SLC1A1: variants seen among roughly 807,000 people sequenced by gnomAD.
SLC1A1 encodes the protein solute carrier family 1 member 1.
Under a neutral mutation model 53.3 loss-of-function variants are expected in SLC1A1, and 43 were observed. That is an observed-to-expected ratio of 0.81 (90% CI 0.63 to 1.04). The LOEUF (loss-of-function observed/expected upper bound fraction) is 1.04, where lower values mean the gene tolerates loss of function less well. Ranked by LOEUF, SLC1A1 falls within the 50% of genes least tolerant of loss-of-function variation. The pLI is 0.00. For missense variants in SLC1A1, 748 were observed against 664.9 expected (o/e 1.12, Z -1.37); for synonymous variants, 307 against 243.2 (o/e 1.26, Z -2.44).
intron 1 of SLC1A1, among the ~76,000 whole-genome samples, chr9:4,498,809 T>A (rs965628124): frequency 6.1e-5 from 9 of 148,240 alleles, no homozygotes; most frequent in East Asian, 3.9e-4. Flanking sequence ...TGCAAAAAAA[T>A]ATATATATAT....
rs1246896853 is a variant in SLC1A1, at chr9:4,572,294, G to C, written c.673G>C (p.Val225Leu). 1.2e-6 allele frequency: 2 copies of C among 1,614,054 alleles called. No homozygotes were observed. The highest frequency in any genetic ancestry group is 2.2e-5 in the East Asian group (1 of 44,870). ...TGTCTTTTGCCTTGTCTTTGGACTT[G>C]TCATTGGAAAAATGGGAGAAAAGGG... ...LIVFCLVFGLVIGKMGEKGQI... is the reference protein window; with the variant it reads ...LIVFCLVFGLLIGKMGEKGQI... The change falls in exon 7 of 12, where the codon GTC (valine) becomes CTC (leucine). Residue 225 changes from valine (V) to leucine (L), a missense_variant. Val to Leu is a conservative substitution (Grantham distance 32). Transcript: ENST00000262352.
intron 7 of SLC1A1, among the ~76,000 whole-genome samples, chr9:4,572,607 G>A (rs1820162343): frequency 6.6e-6 from 1 of 152,300 alleles, no homozygotes; most frequent in East Asian, 1.9e-4. Context: ...GAGTGCAGTG[G>A]TGCAATCTCG....
chr9:4,554,112 G>A (rs992926746), intron 2 of SLC1A1: 28 of 152,246 alleles, frequency 1.8e-4, no homozygotes, highest in African/African-American at 6.3e-4. Flanking sequence ...CATCTTTAGA[G>A]ATAAGGAAAC....
intron 10 of SLC1A1, among the ~76,000 whole-genome samples, chr9:4,580,651 G>GTATGTGTGTA (rs1554690422): frequency 5.9e-5 from 7 of 118,844 alleles, no homozygotes; most frequent in African/African-American, 2.3e-4. Flanking sequence ...GTGTGTGTGT[G>GTATGTGTGTA]TATAAGGAAT....
chr9:4,568,716 A>G (rs10113898), intron 6 of SLC1A1, among the ~76,000 whole-genome samples: 56,358 of 150,702 alleles, frequency 0.37, 11,171 homozygotes, highest in Middle Eastern at 0.52. Flanking sequence ...AAAAAAACAT[A>G]CACACAAAAA....
Position 4,566,181 on chromosome 9 carries a change from T to A in SLC1A1, c.483+92T>A, listed in dbSNP as rs1022403828. On this transcript the variant is annotated intron_variant, in intron 5 of 11. Transcript: ENST00000262352. Reference sequence around the variant, plus strand: ...TCTGCTGTGACTCAAGAAATGGAATTAGCCCCGTGAAAATGGCAGCAGGAA... The same window carrying A: ...TCTGCTGTGACTCAAGAAATGGAATAAGCCCCGTGAAAATGGCAGCAGGAA... 2.6e-6 allele frequency: 3 copies of A among 1,150,298 alleles called. No individual in the cohort carries two copies. In the Admixed American group the frequency reaches 5.1e-5, roughly 19 times the overall value. 71.3% of individuals were successfully genotyped at this position (1,150,298 alleles called of 1,614,324 possible). A position where few individuals can be genotyped will look rare whatever the true frequency, so the allele number is the denominator to read the frequency against.
chr9:4,564,093 A>C lies in SLC1A1; in HGVS notation c.326-251A>C, dbSNP rs79374017. 2.9e-3 allele frequency among the ~76,000 whole-genome samples: 369 copies of C among 127,074 alleles called. 2 individuals carry two copies. The highest frequency in any genetic ancestry group is 9.9e-3 in the African/African-American group (357 of 36,162). 83.4% of individuals were successfully genotyped at this position (127,074 alleles called of 152,430 possible). A position where few individuals can be genotyped will look rare whatever the true frequency, so the allele number is the denominator to read the frequency against. ...TGCAGCCCCTTCATTTAAAACACAC[A>C]TACACACACACACAGACGCACACGC... On this transcript the variant is annotated intron_variant, in intron 3 of 11. Coordinates refer to ENST00000262352, the MANE Select transcript of SLC1A1 (RefSeq NM_004170.6).
intron 1 of SLC1A1, among the ~76,000 whole-genome samples, chr9:4,493,342 G>A (rs145922976): frequency 1.7e-3 from 254 of 152,314 alleles, no homozygotes; most frequent in African/African-American, 5.8e-3. Context: ...ACTTGTTTGT[G>A]TAGTCTGTAA....
intron 6 of SLC1A1, among the ~76,000 whole-genome samples, chr9:4,571,264 GA>G (rs1193181406): frequency 1.3e-5 from 2 of 152,208 alleles, no homozygotes; most frequent in African/African-American, 4.8e-5. Context: ...AGAGGATCAG[GA>G]AAAATAATTA....
At chr9:4,515,653 T>C (rs1821137920) in intron 1 of SLC1A1, among the ~76,000 whole-genome samples, 3 of 152,130 alleles carry the variant, frequency 2.0e-5, no homozygotes, top group South Asian at 4.1e-4. Flanking sequence ...TCCAGCTGGC[T>C]GAGTTCCTCT....
At chr9:4,513,720 A>G (rs1401890629) in intron 1 of SLC1A1, among the ~76,000 whole-genome samples, 1 of 152,256 alleles carries the variant, frequency 6.6e-6, no homozygotes, top group East Asian at 1.9e-4. Context: ...TAGAGAAAGG[A>G]AAACATGTTC....
chr9:4,526,254 G>A (rs888615906), intron 1 of SLC1A1, among the ~76,000 whole-genome samples: 3 of 152,174 alleles, frequency 2.0e-5, no homozygotes, highest in African/African-American at 7.2e-5. Flanking sequence ...GATAAGAGCA[G>A]AATTTAGACA....
chr9:4,518,260 G>A (rs1339881535), intron 1 of SLC1A1, among the ~76,000 whole-genome samples: 65 of 94,956 alleles, frequency 6.8e-4, no homozygotes, highest in South Asian at 1.5e-3. Flanking sequence ...AAAAAAAAAA[G>A]AATGAAGTCC....
At chr9:4,565,336 G>A (rs1005801856) in intron 4 of SLC1A1, among the ~76,000 whole-genome samples, 1 of 152,256 alleles carries the variant, frequency 6.6e-6, no homozygotes, top group African/African-American at 2.4e-5. Context: ...TGAACCCTTG[G>A]TAAGTGTATT....
chr9:4,569,120 T>C (rs1819784166), intron 6 of SLC1A1, among the ~76,000 whole-genome samples: 1 of 152,142 alleles, frequency 6.6e-6, no homozygotes, highest in African/African-American at 2.4e-5. Context: ...TGGGTCTGCT[T>C]ACAGTAGAGC....
chr9:4,525,739 T>C (rs1387387051), intron 1 of SLC1A1, among the ~76,000 whole-genome samples: 1 of 152,108 alleles, frequency 6.6e-6, no homozygotes, highest in Non-Finnish European at 1.5e-5. Context: ...GCAACTGATG[T>C]AAGGACTGGA....
chr9:4,520,729 T>C (rs772404239), intron 1 of SLC1A1, among the ~76,000 whole-genome samples: 1 of 152,266 alleles, frequency 6.6e-6, no homozygotes, highest in Non-Finnish European at 1.5e-5. Context: ...TGAACATTTC[T>C]TGTACAGTTT....
intron 1 of SLC1A1, among the ~76,000 whole-genome samples, chr9:4,507,173 G>T (rs1018957237): frequency 6.6e-6 from 1 of 152,048 alleles, no homozygotes; most frequent in Non-Finnish European, 1.5e-5. Flanking sequence ...GGTGGACCTT[G>T]CAAGTGAGCC....
At chr9:4,548,033 T>G (rs1242959019) in intron 2 of SLC1A1, among the ~76,000 whole-genome samples, 1 of 152,152 alleles carries the variant, frequency 6.6e-6, no homozygotes, top group Admixed American at 6.5e-5. Flanking sequence ...TAAGAAAACA[T>G]GATCTGTTCT....
Sources: allele counts gnomAD v4.1 joint callset (sites outside exome capture counted in the v4.1 genomes callset), GRCh38; gene constraint gnomAD v4.1.1; transcripts MANE v1.5; gene names NCBI Gene and HGNC (gene_info 2026-07-23, HGNC 2026-07-21).